PDE1A: variants seen among roughly 807,000 people sequenced by gnomAD.
The protein encoded by PDE1A is dual specificity calcium/calmodulin-dependent 3',5'-cyclic nucleotide phosphodiesterase 1A.
In PDE1A, 35 loss-of-function variants were observed where a neutral mutation model predicts 61.7. That is an observed-to-expected ratio of 0.57 (90% CI 0.43 to 0.75). The LOEUF is 0.75. PDE1A is among the 30% of genes least tolerant of loss of function. PDE1A has a pLI of 0.00. For missense variants in PDE1A, 597 were observed against 630.6 expected (o/e 0.95, Z 0.57); for synonymous variants, 232 against 213.2 (o/e 1.09, Z -0.77).
intron 1 of PDE1A, among the ~76,000 whole-genome samples, chr2:182,282,914 C>G (rs1693907124): frequency 6.6e-6 from 1 of 152,068 alleles, no homozygotes. Context: ...TAAACTTTTA[C>G]AGAACCTGTG....
chr2:182,269,490 C>CA lies in PDE1A; in HGVS notation c.54-5077dup, dbSNP rs1215247934. Among the ~76,000 whole-genome samples, 9 of 148,452 alleles carry CA rather than the reference C, an allele frequency of 6.1e-5. No individual in the cohort carries two copies. In the East Asian group the frequency reaches 7.8e-4, roughly 13 times the overall value. On this transcript the variant is annotated intron_variant, in intron 1 of 13. Coordinates refer to ENST00000351439, the Ensembl canonical transcript of PDE1A. ...GGCAACAAGAGTGAAAAATCTGTCTCAAAAAAAATAAATAAATAAAAATAA... is the reference window on the plus strand; with the variant it reads ...GGCAACAAGAGTGAAAAATCTGTCTCAAAAAAAAATAAATAAATAAAAATAA...
At chr2:182,662,069 T>G in the PDE1A span, among the ~76,000 whole-genome samples, 1 of 151,826 alleles carries the variant, frequency 6.6e-6, no homozygotes. Context: ...AAAAATATGA[T>G]AGGGGAGAGG....
chr2:182,495,156 A>G (rs1688633983), intron 2 of PDE1A, among the ~76,000 whole-genome samples: 1 of 152,158 alleles, frequency 6.6e-6, no homozygotes, highest in African/African-American at 2.4e-5. Context: ...CATTAGTACA[A>G]GCCCATTGGA....
intron 1 of PDE1A, among the ~76,000 whole-genome samples, chr2:182,309,810 G>A (rs748869900): frequency 6.6e-6 from 1 of 152,114 alleles, no homozygotes; most frequent in Non-Finnish European, 1.5e-5. Context: ...ACATGGAGAA[G>A]TGAAAAAACT....
intron 1 of PDE1A, among the ~76,000 whole-genome samples, chr2:182,411,790 C>T (rs979681029): frequency 1.3e-5 from 2 of 151,960 alleles, no homozygotes; most frequent in African/African-American, 4.8e-5. Context: ...AAAATGGCCC[C>T]AACAACACGC....
the PDE1A span, among the ~76,000 whole-genome samples, chr2:182,619,707 G>A: frequency 3.3e-5 from 5 of 152,110 alleles, no homozygotes; most frequent in African/African-American, 1.2e-4. Context: ...AGACATGCAA[G>A]TTCAGGAGTT....
At chr2:182,169,921 CG>C (rs1692007225) in intron 13 of PDE1A, among the ~76,000 whole-genome samples, 1 of 49,996 alleles carries the variant, frequency 2.0e-5, no homozygotes, top group African/African-American at 6.0e-5. Context: ...CACACACACA[CG>C]CACACACACA....
At chr2:182,517,415 T>C (rs1690275566) in intron 2 of PDE1A, among the ~76,000 whole-genome samples, 1 of 152,204 alleles carries the variant, frequency 6.6e-6, no homozygotes, top group Admixed American at 6.5e-5. Flanking sequence ...GCCTGGCTGA[T>C]CTAATTTTCT....
chr2:182,561,398 C>A, the PDE1A span, among the ~76,000 whole-genome samples: 7 of 152,122 alleles, frequency 4.6e-5, no homozygotes, highest in African/African-American at 1.7e-4. Context: ...GGGCTCTGTT[C>A]TGTTCCATTG....
At chr2:182,277,630 A>C (rs372885640) in intron 1 of PDE1A, among the ~76,000 whole-genome samples, 9 of 152,170 alleles carry the variant, frequency 5.9e-5, no homozygotes, top group African/African-American at 1.9e-4. Context: ...TAATGTACTA[A>C]ACAACAACAA....
exon 2 of PDE1A, chr2:182,522,384 C>A: frequency 6.2e-7 from 1 of 1,613,166 alleles, no homozygotes; most frequent in Non-Finnish European, 8.5e-7. Flanking sequence ...CATGATGATG[C>A]TCCTAAGACA....
chr2:182,380,454 C>T lies in PDE1A; in HGVS notation c.53+46124G>A, dbSNP rs575723080. On this transcript the variant is annotated intron_variant, in intron 1 of 13. Transcript: ENST00000351439. ...TTCCTAGCTTTCTGTCTCTCCTGCC[C>T]GGGTAAAATAGATCATGCCCTTTGC... 1.4e-4 allele frequency among the ~76,000 whole-genome samples: 21 copies of T among 152,084 alleles called. No homozygotes were observed. In the South Asian group the frequency reaches 3.9e-3, roughly 29 times the overall value.
At chr2:182,487,157 T>C (rs545389322) in intron 2 of PDE1A, among the ~76,000 whole-genome samples, 4 of 152,096 alleles carry the variant, frequency 2.6e-5, no homozygotes, top group Non-Finnish European at 5.9e-5. Flanking sequence ...AATAAGCACA[T>C]GAAAAGATGT....
intron 13 of PDE1A, among the ~76,000 whole-genome samples, chr2:182,168,685 A>G (rs1691835417): frequency 1.3e-5 from 2 of 152,166 alleles, no homozygotes; most frequent in African/African-American, 4.8e-5. Context: ...AATAGTATGC[A>G]ATGCAAATAT....
the PDE1A span, among the ~76,000 whole-genome samples, chr2:182,531,755 G>T: frequency 2.0e-5 from 3 of 152,082 alleles, no homozygotes; most frequent in Non-Finnish European, 4.4e-5. Context: ...CAATGTGCAG[G>T]TTTGTTACAT....
intron 13 of PDE1A, among the ~76,000 whole-genome samples, chr2:182,151,195 C>T (rs1690760424): frequency 6.6e-6 from 1 of 152,206 alleles, no homozygotes; most frequent in Admixed American, 6.5e-5. Flanking sequence ...TCAAGCGATT[C>T]TCCTGCTTCA....
At chr2:182,251,906 T>C (rs1211781030) in intron 2 of PDE1A, among the ~76,000 whole-genome samples, 1 of 152,152 alleles carries the variant, frequency 6.6e-6, no homozygotes, top group Non-Finnish European at 1.5e-5. Flanking sequence ...CAACAGACCA[T>C]GGGTGGAGAA....
intron 2 of PDE1A, among the ~76,000 whole-genome samples, chr2:182,445,303 G>A (rs1162891038): frequency 6.6e-6 from 1 of 152,096 alleles, no homozygotes; most frequent in East Asian, 1.9e-4. Context: ...CCTAAAGTCA[G>A]CTTTTTATTG....
At chr2:182,147,264 A>G (rs1690545313) in intron 13 of PDE1A, 112 bp from the exon 14 acceptor site, 2 of 563,128 alleles carry the variant, frequency 3.6e-6, no homozygotes, top group African/African-American at 3.8e-5. Context: ...GAATTTTACA[A>G]TGGATTTTGT....
Sources: allele counts gnomAD v4.1 joint callset (sites outside exome capture counted in the v4.1 genomes callset), GRCh38; gene constraint gnomAD v4.1.1; transcripts MANE v1.5; gene names NCBI Gene and HGNC (gene_info 2026-07-23, HGNC 2026-07-21).